The following IQGAP2 variants were observed in gnomAD, a reference collection of about 807,000 sequenced individuals.
IQGAP2 encodes IQ motif containing GTPase activating protein 2.
Under a neutral mutation model 201.3 loss-of-function variants are expected in IQGAP2, and 173 were observed. The ratio of observed to expected loss-of-function variants is 0.86; its 90% CI spans 0.76 to 0.98. The LOEUF (loss-of-function observed/expected upper bound fraction) is 0.98, where lower values mean the gene tolerates loss of function less well. Ranked by LOEUF, IQGAP2 falls within the 50% of genes least tolerant of loss-of-function variation. The pLI, the probability that IQGAP2 is intolerant of heterozygous loss-of-function variation, is 0.00. For synonymous variants in IQGAP2, 675 were observed against 673.9 expected, an observed-to-expected ratio of 1.00 and a Z score of -0.03; for missense variants, 1,687 against 1,864.8, an observed-to-expected ratio of 0.90 and a Z score of 1.76.
At chr5:76,517,604 CAAAAAAA>C (rs36102224) in intron 2 of IQGAP2, among the ~76,000 whole-genome samples, 3 of 83,286 alleles carry the variant, frequency 3.6e-5, no homozygotes, top group East Asian at 8.9e-4. Flanking sequence ...GACCCTGTTT[CAAAAAAA>C]AAAAAAAAAA....
At chr5:76,619,778 A>C (rs1376634136) in intron 13 of IQGAP2, among the ~76,000 whole-genome samples, 1 of 152,052 alleles carries the variant, frequency 6.6e-6, no homozygotes, top group Non-Finnish European at 1.5e-5. Context: ...TCGGCCACCC[A>C]AAGTGCTGGG....
intron 13 of IQGAP2, among the ~76,000 whole-genome samples, chr5:76,627,107 C>T (rs1312598204): frequency 6.6e-6 from 1 of 152,058 alleles, no homozygotes; most frequent in East Asian, 1.9e-4. Flanking sequence ...CCTCTGGGCC[C>T]TCTGTAGAGG....
chr5:76,555,792 T>C (rs1469038438), intron 2 of IQGAP2, among the ~76,000 whole-genome samples: 1 of 152,132 alleles, frequency 6.6e-6, no homozygotes, highest in Non-Finnish European at 1.5e-5. Flanking sequence ...TCTTCTACCT[T>C]CTCCAGCCAG....
At chr5:76,433,136 T>C (rs1366014189) in intron 1 of IQGAP2, among the ~76,000 whole-genome samples, 1 of 152,218 alleles carries the variant, frequency 6.6e-6, no homozygotes, top group Non-Finnish European at 1.5e-5. Context: ...CAGATACTTT[T>C]CTCTCACGTT....
At chr5:76,426,939 T>TGTGTGTGTGTGA (rs1181928319) in intron 1 of IQGAP2, among the ~76,000 whole-genome samples, 6 of 150,896 alleles carry the variant, frequency 4.0e-5, no homozygotes, top group Non-Finnish European at 7.4e-5. Context: ...TGTGTGTGAG[T>TGTGTGTGTGTGA]GTGTGCAGGA....
intron 2 of IQGAP2, among the ~76,000 whole-genome samples, chr5:76,552,665 A>G (rs899099271): frequency 6.6e-6 from 1 of 152,210 alleles, no homozygotes; most frequent in African/African-American, 2.4e-5. Flanking sequence ...AGTGTCTAAT[A>G]ACATGTTCCT....
At chr5:76,468,752 A>C (rs1561394764) in intron 2 of IQGAP2, among the ~76,000 whole-genome samples, 1 of 152,166 alleles carries the variant, frequency 6.6e-6, no homozygotes, top group South Asian at 2.1e-4. Flanking sequence ...TGCTTCAACC[A>C]CATTGATCTG....
intron 4 of IQGAP2, among the ~76,000 whole-genome samples, chr5:76,575,089 C>A (rs1024106731): frequency 6.6e-6 from 1 of 151,922 alleles, no homozygotes; most frequent in African/African-American, 2.4e-5. Flanking sequence ...GAAAAAAAGA[C>A]CAGAAGAAAA....
intron 2 of IQGAP2, among the ~76,000 whole-genome samples, chr5:76,477,197 C>G (rs1580276017): frequency 6.6e-6 from 1 of 151,942 alleles, no homozygotes; most frequent in Non-Finnish European, 1.5e-5. Context: ...AAAAATTAAC[C>G]AGGCATGGTG....
At chr5:76,613,657 G>T (rs1748606971) in intron 13 of IQGAP2, among the ~76,000 whole-genome samples, 2 of 152,072 alleles carry the variant, frequency 1.3e-5, no homozygotes, top group Non-Finnish European at 2.9e-5. Flanking sequence ...GGCACCTATG[G>T]TTGCCTCCCA....
chr5:76,667,877 CTTTTTTTTTTTT>C (rs540744402), intron 22 of IQGAP2, among the ~76,000 whole-genome samples: 2 of 123,422 alleles, frequency 1.6e-5, no homozygotes, highest in Non-Finnish European at 3.3e-5. Flanking sequence ...AGTCCACTTT[CTTTTTTTTTTTT>C]TTTTTTTTTT....
chr5:76,600,903 T>G lies in IQGAP2; in HGVS notation c.1163T>G (p.Val388Gly). Reference sequence around the variant, plus strand: ...CAGGCCTTGGAAAGCAACGATCTTGTGTCTGTGCAGAATCAACTCAGAAGC... The same window carrying G: ...CAGGCCTTGGAAAGCAACGATCTTGGGTCTGTGCAGAATCAACTCAGAAGC... ...LNQALESNDL[V>G]SVQNQLRSPA... Residue 388 changes from valine to glycine, a missense_variant, in exon 11 of 36, where the codon GTG becomes GGG. Coordinates refer to ENST00000274364, the MANE Select transcript of IQGAP2 (RefSeq NM_006633.5). 1 of 1,614,170 alleles carries G rather than the reference T, an allele frequency of 6.2e-7. No individual in the cohort carries two copies. The highest frequency in any genetic ancestry group is 8.5e-7 in the Non-Finnish European group (1 of 1,179,996).
At chr5:76,570,194 C>G (rs188437045) in intron 3 of IQGAP2, among the ~76,000 whole-genome samples, 1 of 152,206 alleles carries the variant, frequency 6.6e-6, no homozygotes, top group African/African-American at 2.4e-5. Context: ...CTGTCTTTTT[C>G]TGAAGTTGCT....
chr5:76,448,539 C>G (rs951799256), intron 1 of IQGAP2, among the ~76,000 whole-genome samples: 1 of 152,102 alleles, frequency 6.6e-6, no homozygotes, highest in East Asian at 1.9e-4. Context: ...GAAGACTACT[C>G]CAGAGGACTT....
At chr5:76,630,957 A>G (rs1046417618) in intron 14 of IQGAP2, among the ~76,000 whole-genome samples, 30 of 152,176 alleles carry the variant, frequency 2.0e-4, no homozygotes, top group African/African-American at 7.2e-4. Context: ...TCATAGTGCT[A>G]TGCACATGTG....
chr5:76,613,697 A>C (rs937099989), intron 13 of IQGAP2, among the ~76,000 whole-genome samples: 1 of 151,820 alleles, frequency 6.6e-6, no homozygotes, highest in African/African-American at 2.4e-5. Flanking sequence ...CAGTATCTTA[A>C]GGTTCTTTTT....
rs550055000 is a variant in IQGAP2, at chr5:76,615,739, T to C, written c.1521+4556T>C. 10 of 140,096 alleles carry C rather than the reference T, an allele frequency of 7.1e-5. No individual in the cohort carries two copies. The East Asian group carries it at 2.0e-3, about 28-fold the overall frequency. 8.7% of individuals were successfully genotyped at this position (140,096 alleles called of 1,614,324 possible). A position where few individuals can be genotyped will look rare whatever the true frequency, so the allele number is the denominator to read the frequency against. On this transcript the variant is annotated intron_variant, in intron 13 of 35. Transcript: ENST00000274364. The stretch of plus-strand genomic sequence containing the variant: ...ACTGAGTTAAGGGAAAAATAGTCAT[T>C]TACTTACAGGAATATAATGGGTATT...
At chr5:76,470,160 C>T (rs983684594) in intron 2 of IQGAP2, among the ~76,000 whole-genome samples, 1 of 152,152 alleles carries the variant, frequency 6.6e-6, no homozygotes, top group African/African-American at 2.4e-5. Flanking sequence ...CTCAGTTGCT[C>T]ACCACTTGGG....
chr5:76,551,355 C>T (rs1363814078), intron 2 of IQGAP2, among the ~76,000 whole-genome samples: 13 of 150,224 alleles, frequency 8.7e-5, no homozygotes. Context: ...GGAAGAGGCA[C>T]TCCTCACTTC....
Sources: allele counts gnomAD v4.1 joint callset (sites outside exome capture counted in the v4.1 genomes callset), GRCh38; gene constraint gnomAD v4.1.1; transcripts MANE v1.5; gene names NCBI Gene and HGNC (gene_info 2026-07-23, HGNC 2026-07-21).